Variants in PCDHGA5 observed in about 807,000 individuals in gnomAD.
PCDHGA5 encodes protocadherin gamma subfamily A, 5.
PCDHGA5 carries 36 observed loss-of-function variants against 56.7 expected under a neutral mutation model. The observed-to-expected ratio is 0.64, with a 90% CI of 0.49 to 0.84. The LOEUF is 0.84. PCDHGA5 is among the 40% of genes least tolerant of loss of function. The probability of loss-of-function intolerance (pLI) is 0.00; values close to 1 mark genes in which losing one functional copy is unlikely to be tolerated. For synonymous variants in PCDHGA5, 563 were observed against 520.2 expected, an observed-to-expected ratio of 1.08 and a Z score of -1.12; for missense variants, 1,305 against 1,201.5, an observed-to-expected ratio of 1.09 and a Z score of -1.27.
chr5:141,364,922 C>G lies in PCDHGA5; in HGVS notation c.592C>G (p.Gln198Glu). 2 of 1,613,948 alleles carry G rather than the reference C, an allele frequency of 1.2e-6. No homozygotes were observed. The highest frequency in any genetic ancestry group is 8.5e-7 in the Non-Finnish European group (1 of 1,179,884). ...GQKYPELVLEQPLDREKETVH... is the reference protein window; with the variant it reads ...GQKYPELVLEEPLDREKETVH... ...AAAGTATCCGGAGCTGGTGTTGGAACAGCCCCTAGACCGCGAGAAAGAGAC... is the reference window on the plus strand; with the variant it reads ...AAAGTATCCGGAGCTGGTGTTGGAAGAGCCCCTAGACCGCGAGAAAGAGAC... Residue 198 changes from glutamine (Q) to glutamate (E), a missense_variant, in exon 1 of 4, where the codon CAG (glutamine) becomes GAG (glutamate). Transcript: ENST00000518069.
intron 1 of PCDHGA5, chr5:141,383,563 C>G (rs779788206): frequency 1.5e-5 from 25 of 1,613,034 alleles, no homozygotes; most frequent in East Asian, 2.2e-5. Flanking sequence ...CGACCCGCCC[C>G]GATCCAGCAC....
At position 141,432,957 on chromosome 5, in the gene PCDHGA5, C is replaced by T. The variant is rs2097553676; in HGVS notation, c.2422-61850C>T. 1 of 1,614,190 alleles carries T rather than the reference C, an allele frequency of 6.2e-7. No individual in the cohort carries two copies. The highest frequency in any genetic ancestry group is 8.5e-7 in the Non-Finnish European group (1 of 1,180,030). ...CTGCAGGCTTCAGGAGGCGGCTTGA[C>T]AGGAGCGCCGGCGTCGCACTTTGTG... On this transcript the variant is annotated intron_variant, in intron 1 of 3. Coordinates refer to ENST00000518069, the MANE Select transcript of PCDHGA5 (RefSeq NM_018918.3). This position sits in a 1 kb window ranked among gnomAD's most constrained non-coding sequence, Gnocchi z 6.0.
chr5:141,412,634 A>G (rs1322492563), intron 1 of PCDHGA5: 1 of 152,256 alleles, frequency 6.6e-6, no homozygotes, highest in African/African-American at 2.4e-5. Flanking sequence ...TTAAATTATA[A>G]GACTTTTCTG....
rs1258238617 is a variant in PCDHGA5, at chr5:141,409,461, T to A, written c.2421+42710T>A. On this transcript the variant is annotated intron_variant, in intron 1 of 3. Coordinates refer to ENST00000518069, the MANE Select transcript of PCDHGA5 (RefSeq NM_018918.3). ...CGAGAGCAGACACCAGAATACAATG[T>A]CACCATCGTAGCCACTGACAGGGGC... The A allele has an allele frequency of 5.0e-6, 8 of 1,613,928 alleles. No homozygotes were observed. In the Admixed American group the frequency reaches 1.3e-4, roughly 27 times the overall value.
rs774211225 is a variant in PCDHGA5 at position 141,374,709 on chromosome 5, G to A, written c.2421+7958G>A. 28 of 1,608,934 alleles carry A rather than the reference G, an allele frequency of 1.7e-5. No individual in the cohort carries two copies. In the South Asian group the frequency reaches 1.9e-4, roughly 11 times the overall value. On this transcript the variant is annotated intron_variant, in intron 1 of 3. Transcript: ENST00000518069. ...GACCGGGAAGGAGAAGCCGTTTACCGCCTGGTCCTTACTGCCATGGATGGC... is the reference window on the plus strand; with the variant it reads ...GACCGGGAAGGAGAAGCCGTTTACCACCTGGTCCTTACTGCCATGGATGGC...
chr5:141,491,118 T>C lies in PCDHGA5; in HGVS notation c.2422-3689T>C, dbSNP rs1421005816. Reference sequence around the variant, plus strand: ...TGTTCCTCGTGTCTACACACACTGGTGAGGTGCGCACAGCCCGGGCCTTAC... The same window carrying C: ...TGTTCCTCGTGTCTACACACACTGGCGAGGTGCGCACAGCCCGGGCCTTAC... On this transcript the variant is annotated intron_variant, in intron 1 of 3. Coordinates refer to ENST00000518069, the MANE Select transcript of PCDHGA5 (RefSeq NM_018918.3). This position sits in a 1 kb window ranked among gnomAD's most constrained non-coding sequence, Gnocchi z 6.9. The C allele has an allele frequency of 1.2e-6, 2 of 1,613,926 alleles. No homozygotes were observed. Among genetic ancestry groups the C allele is most frequent in the African/African-American group, 2.7e-5 (2 of 74,890 alleles).
intron 1 of PCDHGA5, among the ~76,000 whole-genome samples, chr5:141,406,668 G>A (rs1415631899): frequency 3.3e-5 from 5 of 152,122 alleles, no homozygotes; most frequent in African/African-American, 7.2e-5. Flanking sequence ...TTAAATTATG[G>A]AGAATAGTAG....
intron 3 of PCDHGA5, among the ~76,000 whole-genome samples, chr5:141,509,751 A>T (rs1430265981): frequency 6.6e-6 from 1 of 151,998 alleles, no homozygotes; most frequent in Admixed American, 6.5e-5. Flanking sequence ...CCTGTGCCTA[A>T]AGTGTCCCTG....
chr5:141,393,578 G>A (rs748225192), intron 1 of PCDHGA5: 2 of 1,613,812 alleles, frequency 1.2e-6, no homozygotes, highest in South Asian at 1.1e-5. Context: ...TTGAGAACAT[G>A]CCCCCAGGCA....
intron 1 of PCDHGA5, chr5:141,415,696 G>A (rs867312295): frequency 2.9e-6 from 4 of 1,397,470 alleles, no homozygotes; most frequent in Non-Finnish European, 3.8e-6. Flanking sequence ...GGTGGAAAGT[G>A]TAAATGCTAA....
intron 1 of PCDHGA5, among the ~76,000 whole-genome samples, chr5:141,450,829 A>ATTATTT (rs1554136902): frequency 7.4e-6 from 1 of 135,144 alleles, no homozygotes; most frequent in Admixed American, 7.6e-5. Context: ...TATTATTATT[A>ATTATTT]TTTTTTTTTT....
intron 1 of PCDHGA5, among the ~76,000 whole-genome samples, chr5:141,438,613 TATATATATATATATATATATATACAC>T (rs1192023297): frequency 0.026 from 946 of 36,486 alleles, 27 homozygotes; most frequent in African/African-American, 0.12. Flanking sequence ...TATATATATA[TATATATATATATATATATATATACAC>T]ACACACACAC....
chr5:141,374,681 C>G, intron 1 of PCDHGA5: 1 of 1,610,216 alleles, frequency 6.2e-7, no homozygotes, highest in Non-Finnish European at 8.5e-7. Context: ...GGAGGGCACA[C>G]TGGACCGGGA....
At chr5:141,464,120 C>G (rs1297254980) in intron 1 of PCDHGA5, among the ~76,000 whole-genome samples, 1 of 151,976 alleles carries the variant, frequency 6.6e-6, no homozygotes, top group African/African-American at 2.4e-5. Flanking sequence ...CAAAAATTAG[C>G]TGGGTGTGGT....
intron 1 of PCDHGA5, chr5:141,398,054 A>C: frequency 1.3e-6 from 2 of 1,519,030 alleles, no homozygotes; most frequent in Non-Finnish European, 1.8e-6. Context: ...CGGAGATCCA[A>C]AAATCTACAA....
chr5:141,481,689 C>T (rs1198127143), intron 1 of PCDHGA5, among the ~76,000 whole-genome samples: 1 of 152,102 alleles, frequency 6.6e-6, no homozygotes, highest in Non-Finnish European at 1.5e-5. Context: ...CCTGGTGGCT[C>T]ACGCCTGTAA....
At chr5:141,386,155 C>T (rs763846568) in intron 1 of PCDHGA5, among the ~76,000 whole-genome samples, 3 of 152,278 alleles carry the variant, frequency 2.0e-5, no homozygotes, top group South Asian at 2.1e-4. Flanking sequence ...AACTGTCTCA[C>T]GTACTCAAAC....
intron 1 of PCDHGA5, chr5:141,419,828 AC>A (rs1189387492): frequency 6.2e-7 from 1 of 1,614,022 alleles, no homozygotes; most frequent in Non-Finnish European, 8.5e-7. Flanking sequence ...CCTTTCAGCC[AC>A]TGCCACGCTG....
At chr5:141,442,895 A>G (rs1381559903) in intron 1 of PCDHGA5, among the ~76,000 whole-genome samples, 5 of 152,182 alleles carry the variant, frequency 3.3e-5, no homozygotes, top group African/African-American at 1.2e-4. Context: ...CCTGCTTATC[A>G]CTTCTCCTTC....
Sources: gnomAD v4.1 joint callset for allele counts (sites outside exome capture counted in the v4.1 genomes callset) on GRCh38, gnomAD v4.1.1 for gene constraint, Gnocchi (gnomAD v3.1) non-coding constraint, MANE v1.5 for transcripts, NCBI Gene and HGNC (gene_info 2026-07-23, HGNC 2026-07-21) for gene names.